Variants in STAB2 observed in about 807,000 individuals in gnomAD.
STAB2 encodes stabilin-2.
In STAB2, 288 loss-of-function variants were observed where a neutral mutation model predicts 338.1. The ratio of observed to expected loss-of-function variants is 0.85; its 90% CI spans 0.77 to 0.94. STAB2 has a LOEUF of 0.94. Ranked by LOEUF, STAB2 falls within the 40% of genes least tolerant of loss-of-function variation. STAB2 has a pLI of 0.00. For synonymous variants in STAB2, 1,202 were observed against 1,193.3 expected (o/e 1.01, Z -0.15); for missense variants, 3,141 against 3,210.1 (o/e 0.98, Z 0.52).
chr12:103,595,989 T>C (rs1042902679), intron 3 of STAB2, among the ~76,000 whole-genome samples: 1 of 152,242 alleles, frequency 6.6e-6, no homozygotes, highest in African/African-American at 2.4e-5. Context: ...ATCCTGCCGC[T>C]TCTGTCTACT....
intron 5 of STAB2, among the ~76,000 whole-genome samples, chr12:103,627,869 T>C (rs763835883): frequency 6.6e-6 from 1 of 152,214 alleles, no homozygotes; most frequent in Non-Finnish European, 1.5e-5. Flanking sequence ...TCACTGTATC[T>C]CCTAGAGCCT....
chr12:103,739,453 G>T lies in STAB2; in HGVS notation c.5739G>T (p.Arg1913Ser), dbSNP rs776821232. The part of the protein sequence containing the change: ...GSCVNTPSCP[R>S]WSKPKGVKQK... ...GTGTCAATACTCCCAGCTGCCCAAG[G>T]TGGAGTAAACCAAAGGTAATTAAGA... Residue 1913 changes from arginine (R) to serine (S), a missense_variant, in exon 54 of 69, where the codon AGG becomes AGT. Transcript: ENST00000388887. 1 of 1,594,018 alleles carries T rather than the reference G, an allele frequency of 6.3e-7. No homozygotes were observed.
At position 103,666,353 on chromosome 12, in the gene STAB2, A is replaced by G; in HGVS notation, c.2085A>G (p.Thr695=). 4 of 1,614,216 alleles carry G rather than the reference A, an allele frequency of 2.5e-6. No individual in the cohort carries two copies. The highest frequency in any genetic ancestry group is 3.4e-6 in the Non-Finnish European group (4 of 1,180,026). ...GATGTCCTGCTAACTCTGAGCCCACAGTGAGTGTGACAGCTTCATGAAAGC... is the reference window on the plus strand; with the variant it reads ...GATGTCCTGCTAACTCTGAGCCCACGGTGAGTGTGACAGCTTCATGAAAGC... ...WSRCPANSEP[T]ALFTHRCVYS... Residue 695 remains threonine (T), a splice_region_variant and synonymous_variant, in exon 19 of 69, where the codon ACA becomes ACG. Transcript: ENST00000388887.
chr12:103,722,757 G>C (rs1880863233), intron 44 of STAB2, among the ~76,000 whole-genome samples: 1 of 152,094 alleles, frequency 6.6e-6, no homozygotes, highest in Non-Finnish European at 1.5e-5. Flanking sequence ...CTTTTTTCAA[G>C]ATGAGTAATA....
chr12:103,626,420 G>A (rs563782162), intron 5 of STAB2, among the ~76,000 whole-genome samples: 2 of 152,250 alleles, frequency 1.3e-5, no homozygotes, highest in South Asian at 4.1e-4. Flanking sequence ...GTGTTACCGA[G>A]GGCAAGCTAT....
chr12:103,707,067 G>C, intron 38 of STAB2, 80 bp downstream of exon 38: 2 of 1,498,846 alleles, frequency 1.3e-6, no homozygotes, highest in South Asian at 2.5e-5. Context: ...GATCCCACAC[G>C]TGCTCTCTAG....
intron 19 of STAB2, among the ~76,000 whole-genome samples, chr12:103,667,546 G>A (rs954409362): frequency 1.3e-5 from 2 of 152,042 alleles, no homozygotes; most frequent in African/African-American, 2.4e-5. Flanking sequence ...AGAAGGAAGA[G>A]GGAAAAGAAA....
intron 59 of STAB2, among the ~76,000 whole-genome samples, chr12:103,749,489 G>T (rs779506618): frequency 6.6e-6 from 1 of 151,942 alleles, no homozygotes; most frequent in Non-Finnish European, 1.5e-5. Flanking sequence ...TTGCTCTTTG[G>T]CCACCCTTCT....
chr12:103,756,172 G>A (rs1478247685), intron 63 of STAB2, among the ~76,000 whole-genome samples: 6 of 152,140 alleles, frequency 3.9e-5, no homozygotes, highest in Admixed American at 2.6e-4. Flanking sequence ...CACCCAGTGA[G>A]CCAAATTAAC....
At chr12:103,687,569 AG>A (rs1188616643) in intron 27 of STAB2, among the ~76,000 whole-genome samples, 2 of 152,320 alleles carry the variant, frequency 1.3e-5, no homozygotes, top group African/African-American at 4.8e-5. Flanking sequence ...TAAAGATAAT[AG>A]GGGCTAAAAC....
chr12:103,654,570 C>T lies in STAB2; in HGVS notation c.1423C>T (p.Leu475Phe), dbSNP rs752149679. The T allele has an allele frequency of 3.1e-6, 5 of 1,613,926 alleles. No homozygotes were observed. Among genetic ancestry groups the T allele is most frequent in the Admixed American group, 3.3e-5 (2 of 59,982 alleles). The change falls in exon 13 of 69, where the codon CTT becomes TTT. Residue 475 changes from leucine (L) to phenylalanine (F), a missense_variant. Transcript: ENST00000388887. ...FNSDKDNQIK[L>F]KLHGGKKKVK... ...GGTGTTTTAGGACAATCAAATAAAGCTTAAACTCCATGGAGGCAAAAAGAA... is the reference window on the plus strand; with the variant it reads ...GGTGTTTTAGGACAATCAAATAAAGTTTAAACTCCATGGAGGCAAAAAGAA...
chr12:103,611,244 G>T (rs1026500270), intron 3 of STAB2, among the ~76,000 whole-genome samples: 4 of 152,264 alleles, frequency 2.6e-5, no homozygotes, highest in South Asian at 2.1e-4. Flanking sequence ...GGATATCCTT[G>T]TTAACTTTCT....
intron 40 of STAB2, 94 bp from the exon 41 acceptor site, chr12:103,712,273 G>A (rs1879931857): frequency 7.3e-6 from 7 of 954,224 alleles, no homozygotes; most frequent in Non-Finnish European, 1.0e-5. Context: ...ATGGGGGCAG[G>A]GGCCAGGATA....
At chr12:103,679,910 C>T (rs1269644113) in intron 25 of STAB2, among the ~76,000 whole-genome samples, 2 of 152,090 alleles carry the variant, frequency 1.3e-5, no homozygotes, top group Non-Finnish European at 2.9e-5. Flanking sequence ...ATAATCAAAA[C>T]GTGGTATATG....
intron 3 of STAB2, among the ~76,000 whole-genome samples, chr12:103,615,763 C>T (rs1033229318): frequency 6.6e-6 from 1 of 152,142 alleles, no homozygotes; most frequent in Non-Finnish European, 1.5e-5. Flanking sequence ...GAGAAGCAGG[C>T]ACCTCTTCAC....
rs1051566911 is a variant in STAB2, at chr12:103,759,234, C to T, written c.7209C>T (p.Ser2403=). The change falls in exon 65 of 69, where the codon AGC becomes AGT. Residue 2403 remains serine, a synonymous_variant. Transcript: ENST00000388887. ...CCACCCTGCAAACGAGGCTGGGAAG[C>T]AAGCTGCTCATCACTGCCAGCCAGG... is the stretch of plus-strand genomic sequence containing the variant. The part of the protein sequence containing the change: ...NGTTLQTRLG[S]KLLITASQDP... 6.2e-7 allele frequency: 1 copy of T among 1,614,074 alleles called. No individual in the cohort carries two copies. The highest frequency in any genetic ancestry group is 1.7e-5 in the Admixed American group (1 of 60,008).
chr12:103,684,630 C>T (rs78836770), intron 26 of STAB2, among the ~76,000 whole-genome samples: 8,283 of 152,262 alleles, frequency 0.054, 587 homozygotes, highest in African/African-American at 0.16. Flanking sequence ...ATGTGAATTT[C>T]AGATGCACAA....
At chr12:103,751,784 A>G (rs1325145449) in intron 60 of STAB2, among the ~76,000 whole-genome samples, 1 of 152,224 alleles carries the variant, frequency 6.6e-6, no homozygotes, top group Non-Finnish European at 1.5e-5. Context: ...AGTGTGGTCC[A>G]GCTTCTCCCA....
chr12:103,758,165 C>A lies in STAB2; in HGVS notation c.6988-5C>A, dbSNP rs1211852099. ...CCCCTCTGATGACTTCCTTCTTCTCCCCAGGAAGTGCTGGCCTATTCCAAC... is the reference window on the plus strand; with the variant it reads ...CCCCTCTGATGACTTCCTTCTTCTCACCAGGAAGTGCTGGCCTATTCCAAC... On this transcript the variant is annotated splice_region_variant and splice_polypyrimidine_tract_variant and intron_variant, in intron 63 of 68. Transcript: ENST00000388887. 6.2e-7 allele frequency: 1 copy of A among 1,613,888 alleles called. No homozygotes were observed. Among genetic ancestry groups the A allele is most frequent in the African/African-American group, 1.3e-5 (1 of 74,928 alleles).
Sources: allele counts gnomAD v4.1 joint callset (sites outside exome capture counted in the v4.1 genomes callset), GRCh38; gene constraint gnomAD v4.1.1; transcripts MANE v1.5; gene names NCBI Gene and HGNC (gene_info 2026-07-23, HGNC 2026-07-21).